The following TMOD2 variants were observed in gnomAD, a reference collection of about 807,000 sequenced individuals.
The protein encoded by TMOD2 is tropomodulin 2, also known as tropomodulin-2.
A neutral mutation model predicts 39.9 loss-of-function variants in TMOD2; 22 were observed. The ratio of observed to expected loss-of-function variants is 0.55; its 90% CI spans 0.39 to 0.79. The LOEUF is 0.79. TMOD2 is among the 30% of genes least tolerant of loss of function. TMOD2 has a pLI of 0.00. For missense variants in TMOD2, 386 were observed against 413.3 expected, an observed-to-expected ratio of 0.93 and a Z score of 0.57; for synonymous variants, 123 against 146.1, an observed-to-expected ratio of 0.84 and a Z score of 1.14.
chr15:51,752,722 G>T (rs546811551), intron 1 of TMOD2: 4 of 152,164 alleles, frequency 2.6e-5, no homozygotes, highest in Admixed American at 6.5e-5. Flanking sequence ...GAGTGTTTCT[G>T]TTTAACAGCA....
intron 7 of TMOD2, chr15:51,784,856 C>T (rs145041951): frequency 1.2e-4 from 19 of 152,164 alleles, no homozygotes; most frequent in Admixed American, 3.9e-4. Flanking sequence ...TATATTATTT[C>T]GAGTAAAATT....
intron 3 of TMOD2, among the ~76,000 whole-genome samples, chr15:51,769,675 G>A (rs1429670415): frequency 1.3e-5 from 2 of 152,176 alleles, no homozygotes; most frequent in African/African-American, 2.4e-5. Flanking sequence ...ACAGTGACTT[G>A]AGCTCAAAGA....
intron 1 of TMOD2, among the ~76,000 whole-genome samples, chr15:51,764,713 G>A (rs773282797): frequency 6.6e-6 from 1 of 151,994 alleles, no homozygotes; most frequent in African/African-American, 2.4e-5. Flanking sequence ...TAGCCATGCC[G>A]CCTGCTCTAC....
chr15:51,799,262 G>C (rs2056073027), intron 8 of TMOD2, among the ~76,000 whole-genome samples: 1 of 152,206 alleles, frequency 6.6e-6, no homozygotes. Context: ...GTGGGATGGT[G>C]GGAGAGACAG....
intron 7 of TMOD2, chr15:51,783,068 G>A (rs1038085734): frequency 1.4e-5 from 7 of 489,566 alleles, no homozygotes; most frequent in Non-Finnish European, 2.6e-5. Flanking sequence ...GATAAGTTTG[G>A]CATTTAACTA....
intron 2 of TMOD2, among the ~76,000 whole-genome samples, chr15:51,767,711 A>G (rs1422520716): frequency 6.6e-6 from 1 of 152,214 alleles, no homozygotes; most frequent in Admixed American, 6.5e-5. Flanking sequence ...AATTATGTAT[A>G]TGGTATTCTG....
intron 8 of TMOD2, among the ~76,000 whole-genome samples, chr15:51,803,317 A>G (rs908787888): frequency 1.3e-5 from 2 of 151,956 alleles, no homozygotes; most frequent in African/African-American, 4.8e-5. Flanking sequence ...AGCAGCTGGG[A>G]TTACAGGCGC....
intron 9 of TMOD2, among the ~76,000 whole-genome samples, chr15:51,807,464 C>A (rs999826570): frequency 5.3e-5 from 8 of 152,138 alleles, no homozygotes; most frequent in African/African-American, 7.2e-5. Context: ...TGGCTGGACA[C>A]GTGACAGTGC....
rs146911339 is a variant in TMOD2 at position 51,781,081 on chromosome 15, G to A, written c.531G>A (p.Glu177=). 1.5e-5 allele frequency: 24 copies of A among 1,609,940 alleles called. No individual in the cohort carries two copies. In the African/African-American group the frequency reaches 2.8e-4, roughly 19 times the overall value. The part of the protein sequence containing the change: ...VKGEKVKPVF[E]EPPNPTNVEI... The stretch of plus-strand genomic sequence containing the variant: ...GTGAAAAAGTAAAGCCAGTATTTGA[G>A]GAACCACCAAATCCCACAAATGTGG... The change falls in exon 6 of 10, where the codon GAG becomes GAA. Residue 177 remains glutamate (E), a synonymous_variant. Transcript: ENST00000249700.
intron 3 of TMOD2, among the ~76,000 whole-genome samples, chr15:51,772,602 G>A (rs999987178): frequency 2.6e-5 from 4 of 152,154 alleles, no homozygotes; most frequent in Admixed American, 2.0e-4. Flanking sequence ...AATGGGAGAT[G>A]GTGGCAGAGG....
At chr15:51,778,138 C>G (rs2055901771) in intron 5 of TMOD2, among the ~76,000 whole-genome samples, 1 of 151,366 alleles carries the variant, frequency 6.6e-6, no homozygotes, top group Non-Finnish European at 1.5e-5. Flanking sequence ...ACATATACAC[C>G]ATGGAATACT....
At chr15:51,805,398 T>G (rs944523896) in intron 8 of TMOD2, among the ~76,000 whole-genome samples, 9 of 152,220 alleles carry the variant, frequency 5.9e-5, no homozygotes, top group African/African-American at 2.2e-4. Context: ...CTTCAGAGTT[T>G]GCTGATTTCA....
chr15:51,762,148 CAAA>C (rs567619134), intron 1 of TMOD2, among the ~76,000 whole-genome samples: 4 of 124,292 alleles, frequency 3.2e-5, no homozygotes, highest in Non-Finnish European at 1.7e-5. Flanking sequence ...GACTCTGCCT[CAAA>C]AAAAAAAAAA....
rs1371956477 is a variant in TMOD2, at chr15:51,810,426, T to A, written c.*1972T>A. The A allele has an allele frequency of 4.6e-5, 7 of 152,334 alleles. No homozygotes were observed. Among genetic ancestry groups the A allele is most frequent in the South Asian group, 4.1e-4 (2 of 4,828 alleles). The allele number at this position is 152,334 out of a possible 1,614,324, so 9.4% of individuals were successfully genotyped here. On this transcript the variant is annotated 3_prime_UTR_variant, in exon 10 of 10. Transcript: ENST00000249700. Reference sequence around the variant, plus strand: ...GTAGAAATATTACCAAACAGTATGCTACTGAACGTATCCTCTCAACTCCAT... The same window carrying A: ...GTAGAAATATTACCAAACAGTATGCAACTGAACGTATCCTCTCAACTCCAT...
chr15:51,796,692 G>A (rs1426910063), intron 7 of TMOD2, among the ~76,000 whole-genome samples: 1 of 152,216 alleles, frequency 6.6e-6, no homozygotes, highest in Non-Finnish European at 1.5e-5. Context: ...ACAATATGCT[G>A]TTATAGAAGT....
rs150557181 is a variant in TMOD2 at position 51,805,932 on chromosome 15, T to C, written c.877-445T>C. ...TTTATGTGTATTTTACCACAATAAG[T>C]AAGTAAGAATTCCCAAAGTAAAAAG... On this transcript the variant is annotated intron_variant, in intron 8 of 9. Transcript: ENST00000249700. Among the ~76,000 whole-genome samples, 874 of 152,280 alleles carry C rather than the reference T, an allele frequency of 5.7e-3. 9 individuals are homozygous for C. Among genetic ancestry groups the C allele is most frequent in the African/African-American group, 0.02 (844 of 41,572 alleles).
rs1265086149 is a variant in TMOD2, at chr15:51,809,864, A to C, written c.*1410A>C. 6.6e-6 allele frequency: 1 copy of C among 152,182 alleles called. No individual in the cohort carries two copies. Among genetic ancestry groups the C allele is most frequent in the African/African-American group, 2.4e-5 (1 of 41,440 alleles). 9.4% of individuals were successfully genotyped at this position (152,182 alleles called of 1,614,324 possible). On this transcript the variant is annotated 3_prime_UTR_variant, in exon 10 of 10. Coordinates refer to ENST00000249700, the MANE Select transcript of TMOD2 (RefSeq NM_014548.4). ...TGCCTAGTAGCAATAAAACAAGTGA[A>C]TAGGAAAATAATTAATATATTATTC...
At chr15:51,774,255 CT>C (rs1171225080) in intron 4 of TMOD2, among the ~76,000 whole-genome samples, 3 of 152,128 alleles carry the variant, frequency 2.0e-5, no homozygotes, top group African/African-American at 7.2e-5. Context: ...CATTAGCCTT[CT>C]AGTCTTAACA....
intron 8 of TMOD2, among the ~76,000 whole-genome samples, chr15:51,805,437 A>G (rs564010742): frequency 1.3e-5 from 2 of 152,312 alleles, no homozygotes; most frequent in African/African-American, 4.8e-5. Context: ...TCAAACCACA[A>G]TAAAGCTGCT....
Sources: allele counts gnomAD v4.1 joint callset (sites outside exome capture counted in the v4.1 genomes callset), GRCh38; gene constraint gnomAD v4.1.1; transcripts MANE v1.5; gene names NCBI Gene and HGNC (gene_info 2026-07-23, HGNC 2026-07-21).